Variants in FSTL1 observed in about 807,000 individuals in gnomAD.
FSTL1 encodes the protein follistatin-related protein 1.
FSTL1 carries 24 observed loss-of-function variants against 45.9 expected under a neutral mutation model. That is an observed-to-expected ratio of 0.52 (90% CI 0.38 to 0.74). The LOEUF (loss-of-function observed/expected upper bound fraction) is 0.74. FSTL1 is among the 30% of genes least tolerant of loss of function. FSTL1 has a pLI of 0.00. For synonymous variants in FSTL1, 120 were observed against 137.6 expected (o/e 0.87, Z 0.89); for missense variants, 340 against 381.8 (o/e 0.89, Z 0.91).
intron 2 of FSTL1, 94 bp downstream of exon 2, chr3:120,450,590 G>C (rs1199627654): frequency 1.3e-6 from 1 of 772,046 alleles, no homozygotes; most frequent in Non-Finnish European, 1.9e-6. Context: ...GCGCCACCCC[G>C]GGAGAGCATC....
At chr3:120,441,357 C>G (rs1937625494) in intron 2 of FSTL1, 1 of 152,226 alleles carries the variant, frequency 6.6e-6, no homozygotes, top group Non-Finnish European at 1.5e-5. Flanking sequence ...GGCTTCCCAT[C>G]CTACTGCCTC....
intron 2 of FSTL1, among the ~76,000 whole-genome samples, chr3:120,445,748 T>C (rs1026969199): frequency 6.7e-6 from 1 of 149,790 alleles, no homozygotes; most frequent in African/African-American, 2.6e-5. Flanking sequence ...AAACTGTAGC[T>C]GCCACGATTT....
chr3:120,428,196 C>T (rs1232766765), intron 2 of FSTL1, among the ~76,000 whole-genome samples: 1 of 152,178 alleles, frequency 6.6e-6, no homozygotes, highest in Non-Finnish European at 1.5e-5. Context: ...ACTAGGCTGA[C>T]CTTGCAGTGG....
In FSTL1 at chr3:120,411,903, G is replaced by A. The variant is rs1248219603; in HGVS notation, c.249C>T (p.Ala83=). 1.9e-6 allele frequency: 3 copies of A among 1,613,228 alleles called. No individual in the cohort carries two copies. Among genetic ancestry groups the A allele is most frequent in the Non-Finnish European group, 2.5e-6 (3 of 1,179,244 alleles). Residue 83 remains alanine (A), a synonymous_variant, in exon 4 of 11, where the codon GCC becomes GCT. Coordinates refer to ENST00000295633, the MANE Select transcript of FSTL1 (RefSeq NM_007085.5). The part of the protein sequence containing the change: ...YLNHCELHRD[A]CLTGSKIQVD... The stretch of plus-strand genomic sequence containing the variant: ...CCTGGATTTTGGATCCAGTGAGGCA[G>A]GCATCTCGATGCAGTTCACAGTGGT...
chr3:120,440,785 G>GA (rs1249262404), intron 2 of FSTL1, among the ~76,000 whole-genome samples: 1 of 152,244 alleles, frequency 6.6e-6, no homozygotes, highest in Admixed American at 6.5e-5. Flanking sequence ...GGTGGTTCGT[G>GA]AATGTTTGGC....
At chr3:120,422,896 T>C (rs889153954) in intron 2 of FSTL1, among the ~76,000 whole-genome samples, 13 of 152,194 alleles carry the variant, frequency 8.5e-5, no homozygotes, top group African/African-American at 2.7e-4. Context: ...GGTTTCACCA[T>C]GTTGGCCAGG....
At chr3:120,445,851 C>T (rs1456568321) in intron 2 of FSTL1, among the ~76,000 whole-genome samples, 4 of 149,850 alleles carry the variant, frequency 2.7e-5, no homozygotes, top group African/African-American at 5.1e-5. Flanking sequence ...GTACCAGGTG[C>T]GCTCAGCTGC....
chr3:120,444,994 A>C (rs1168563158), intron 2 of FSTL1, among the ~76,000 whole-genome samples: 1 of 149,822 alleles, frequency 6.7e-6, no homozygotes, highest in Non-Finnish European at 1.5e-5. Context: ...TGCTGTCATA[A>C]ATAACATGAC....
intron 7 of FSTL1, 97 bp downstream of exon 7, chr3:120,404,756 C>T (rs1360177855): frequency 9.5e-6 from 7 of 736,402 alleles, no homozygotes; most frequent in Non-Finnish European, 1.8e-5. Flanking sequence ...GACATTCTCT[C>T]ACTGGTGGCT....
At chr3:120,418,131 A>C (rs1055248440) in intron 2 of FSTL1, among the ~76,000 whole-genome samples, 1 of 152,248 alleles carries the variant, frequency 6.6e-6, no homozygotes, top group Non-Finnish European at 1.5e-5. Context: ...GTTCTCAAAA[A>C]TCCATTTGAA....
chr3:120,401,571 C>T (rs901011626), intron 9 of FSTL1, among the ~76,000 whole-genome samples: 14 of 147,742 alleles, frequency 9.5e-5, no homozygotes, highest in Non-Finnish European at 1.5e-4. Context: ...ACACAGTTAA[C>T]TTCTTAAAAT....
chr3:120,416,056 T>G (rs1185586158), intron 2 of FSTL1, 29 bp from the exon 3 acceptor site: 1 of 1,463,200 alleles, frequency 6.8e-7, no homozygotes, highest in South Asian at 1.1e-5. Flanking sequence ...AAGGAAACCG[T>G]GTGACTGAGA....
chr3:120,450,764 G>C lies in FSTL1; in HGVS notation c.1-18C>G, dbSNP rs772012802. The stretch of plus-strand genomic sequence containing the variant: ...TTCCACATCTGCGGAAGAGAGAAGA[G>C]AGCGAGTCTGAAGGCGCCGGGCCCC... On this transcript the variant is annotated intron_variant, in intron 1 of 10. Coordinates refer to ENST00000295633, the MANE Select transcript of FSTL1 (RefSeq NM_007085.5). 1.9e-6 allele frequency: 3 copies of C among 1,563,316 alleles called. No homozygotes were observed. Among genetic ancestry groups the C allele is most frequent in the Admixed American group, 3.5e-5 (2 of 56,514 alleles).
chr3:120,403,412 G>C (rs1936866917), intron 7 of FSTL1, 58 bp from the exon 8 acceptor site: 2 of 1,080,682 alleles, frequency 1.9e-6, no homozygotes, highest in Non-Finnish European at 2.9e-6. Context: ...TCAGAAGAAA[G>C]GAAGTAAGCA....
intron 2 of FSTL1, chr3:120,423,136 G>C (rs1417062776): frequency 6.6e-6 from 1 of 152,196 alleles, no homozygotes; most frequent in Non-Finnish European, 1.5e-5. Flanking sequence ...AAATGGGACA[G>C]TGATGTTTAC....
chr3:120,401,003 C>CAAAA (rs1228437197), intron 9 of FSTL1, among the ~76,000 whole-genome samples: 1 of 152,212 alleles, frequency 6.6e-6, no homozygotes, highest in Non-Finnish European at 1.5e-5. Context: ...TTGTCTGATG[C>CAAAA]ATGTGATAGA....
rs67648835 is a variant in FSTL1, at chr3:120,412,819, TGC to T, written c.169-838_169-837del. ...GCAGGCAGGCAAACACACACACATG[TGC>T]GCGCGCGCGCGCGCGCGCACACACA... On this transcript the variant is annotated intron_variant, in intron 3 of 10. Coordinates refer to ENST00000295633, the MANE Select transcript of FSTL1 (RefSeq NM_007085.5). Among the ~76,000 whole-genome samples the T allele has an allele frequency of 2.5e-3, 175 of 68,830 alleles. 2 individuals carry two copies. Among genetic ancestry groups the T allele is most frequent in the East Asian group, 8.7e-3 (31 of 3,560 alleles). 45.2% of individuals were successfully genotyped at this position (68,830 alleles called of 152,430 possible).
intron 9 of FSTL1, among the ~76,000 whole-genome samples, chr3:120,400,862 C>T (rs937046781): frequency 6.6e-6 from 1 of 152,192 alleles, no homozygotes; most frequent in Admixed American, 6.5e-5. Context: ...TGGGGCACCA[C>T]CATCTAACAT....
At chr3:120,414,731 C>A (rs533537794) in intron 3 of FSTL1, among the ~76,000 whole-genome samples, 21 of 151,582 alleles carry the variant, frequency 1.4e-4, no homozygotes, top group Non-Finnish European at 2.4e-4. Flanking sequence ...TGTGTCCACT[C>A]AGGGTTAAAT....
Sources: allele counts gnomAD v4.1 joint callset (sites outside exome capture counted in the v4.1 genomes callset), GRCh38; gene constraint gnomAD v4.1.1; transcripts MANE v1.5; gene names NCBI Gene and HGNC (gene_info 2026-07-23, HGNC 2026-07-21).